The following CPEB3 variants were observed in gnomAD, a reference collection of about 807,000 sequenced individuals.
The protein encoded by CPEB3 is cytoplasmic polyadenylation element binding protein 3.
Under a neutral mutation model 67.2 loss-of-function variants are expected in CPEB3, and 20 were observed. The ratio of observed to expected loss-of-function variants is 0.30; its 90% CI spans 0.21 to 0.43. The LOEUF (loss-of-function observed/expected upper bound fraction) is 0.43. Among genes scored for constraint, CPEB3 ranks in the 20% least tolerant of loss-of-function variants. The probability of loss-of-function intolerance (pLI) is 1.00; values close to 1 mark genes in which losing one functional copy is unlikely to be tolerated. For missense variants in CPEB3, 746 were observed against 968.6 expected (o/e 0.77, Z 3.05); for synonymous variants, 376 against 393.1 (o/e 0.96, Z 0.51).
chr10:92,162,041 C>T (rs919180809), intron 4 of CPEB3, among the ~76,000 whole-genome samples: 3 of 152,066 alleles, frequency 2.0e-5, no homozygotes, highest in Non-Finnish European at 4.4e-5. Flanking sequence ...GGATTTATAC[C>T]AGATATAACA....
chr10:92,175,223 T>C (rs139598937), intron 4 of CPEB3, among the ~76,000 whole-genome samples: 7 of 151,502 alleles, frequency 4.6e-5, no homozygotes, highest in African/African-American at 1.7e-4. Flanking sequence ...CAGAATTTTA[T>C]ATTAACAGGA....
At chr10:92,144,163 T>C (rs1024137583) in intron 5 of CPEB3, among the ~76,000 whole-genome samples, 2 of 152,198 alleles carry the variant, frequency 1.3e-5, no homozygotes, top group Non-Finnish European at 2.9e-5. Context: ...AAGTGAACAC[T>C]CACTTTTGGA....
chr10:92,236,024 A>T (rs573613357), intron 2 of CPEB3, among the ~76,000 whole-genome samples: 5 of 152,328 alleles, frequency 3.3e-5, no homozygotes, highest in Non-Finnish European at 7.4e-5. Flanking sequence ...GCACCAAACT[A>T]ATACATATCT....
intron 9 of CPEB3, among the ~76,000 whole-genome samples, chr10:92,073,825 G>A (rs1842845587): frequency 6.6e-6 from 1 of 152,150 alleles, no homozygotes; most frequent in African/African-American, 2.4e-5. Flanking sequence ...CAAGGATCTT[G>A]AGAAAGTTTC....
At chr10:92,236,270 G>A (rs1851527599) in intron 2 of CPEB3, among the ~76,000 whole-genome samples, 1 of 152,106 alleles carries the variant, frequency 6.6e-6, no homozygotes, top group African/African-American at 2.4e-5. Flanking sequence ...AACAAAATTA[G>A]CTAGAACTGT....
At chr10:92,119,716 T>C (rs1330652004) in intron 6 of CPEB3, among the ~76,000 whole-genome samples, 1 of 152,174 alleles carries the variant, frequency 6.6e-6, no homozygotes, top group Non-Finnish European at 1.5e-5. Context: ...AGTTAGTTCT[T>C]AGAGCAGCTG....
At chr10:92,133,534 AC>A (rs1845944024) in intron 6 of CPEB3, among the ~76,000 whole-genome samples, 1 of 152,164 alleles carries the variant, frequency 6.6e-6, no homozygotes, top group Non-Finnish European at 1.5e-5. Context: ...TTAATAGCCT[AC>A]CAAAAAAAGT....
chr10:92,258,467 G>A (rs1374218502), intron 1 of CPEB3, among the ~76,000 whole-genome samples: 1 of 151,442 alleles, frequency 6.6e-6, no homozygotes, highest in Non-Finnish European at 1.5e-5. Flanking sequence ...ATGAAATAGT[G>A]CAGATAAATT....
At chr10:92,196,743 G>A (rs1281112821) in intron 2 of CPEB3, among the ~76,000 whole-genome samples, 3 of 151,104 alleles carry the variant, frequency 2.0e-5, no homozygotes, top group Non-Finnish European at 4.4e-5. Context: ...ACTCAGCCTG[G>A]GCGACAGAGC....
chr10:92,142,859 G>A (rs930190243), intron 6 of CPEB3, among the ~76,000 whole-genome samples, 170 bp downstream of exon 6: 1 of 152,198 alleles, frequency 6.6e-6, no homozygotes, highest in Admixed American at 6.5e-5. Flanking sequence ...TTCAGGGGAA[G>A]AGTCTCTAAG....
chr10:92,230,074 A>C (rs1851195751), intron 2 of CPEB3, among the ~76,000 whole-genome samples: 1 of 152,100 alleles, frequency 6.6e-6, no homozygotes, highest in Non-Finnish European at 1.5e-5. Flanking sequence ...ACTAGAATGG[A>C]GAATCCGTCA....
chr10:92,234,930 A>G (rs934421291), intron 2 of CPEB3, among the ~76,000 whole-genome samples: 6 of 152,260 alleles, frequency 3.9e-5, no homozygotes, highest in African/African-American at 1.2e-4. Context: ...ATCCCCCGAA[A>G]AAACAAAAAC....
chr10:92,052,802 A>G (rs548893177), intron 9 of CPEB3, among the ~76,000 whole-genome samples: 8 of 152,364 alleles, frequency 5.3e-5, no homozygotes, highest in African/African-American at 1.9e-4. Flanking sequence ...GGGGCTGTGC[A>G]CGTCAAAGCG....
intron 7 of CPEB3, among the ~76,000 whole-genome samples, chr10:92,107,048 GAA>G (rs1276321293): frequency 6.6e-6 from 1 of 152,106 alleles, no homozygotes; most frequent in African/African-American, 2.4e-5. Context: ...AGGTGTGAAT[GAA>G]AAGTGCTACA....
chr10:92,253,014 TAA>T (rs1852364729), intron 1 of CPEB3, among the ~76,000 whole-genome samples: 1 of 152,054 alleles, frequency 6.6e-6, no homozygotes, highest in Admixed American at 6.6e-5. Flanking sequence ...ACCTCCAACT[TAA>T]AGTTATAATA....
At chr10:92,066,206 A>G (rs1333531764) in intron 9 of CPEB3, among the ~76,000 whole-genome samples, 2 of 152,156 alleles carry the variant, frequency 1.3e-5, no homozygotes, top group Non-Finnish European at 2.9e-5. Flanking sequence ...AAAATATACT[A>G]TGCAATGGCT....
intron 4 of CPEB3, among the ~76,000 whole-genome samples, chr10:92,164,220 GACTGGCCCAAAGTTAT>G (rs1170979479): frequency 2.0e-5 from 3 of 152,180 alleles, no homozygotes; most frequent in Non-Finnish European, 4.4e-5. Context: ...CAGAGAAGAT[GACTGGCCCAAAGTTAT>G]ACAGCTACTA....
intron 2 of CPEB3, among the ~76,000 whole-genome samples, chr10:92,228,913 CA>C (rs1267146833): frequency 2.6e-5 from 4 of 151,760 alleles, no homozygotes; most frequent in Admixed American, 1.3e-4. Flanking sequence ...GGGGTTTCAT[CA>C]TGTTGGTCAG....
intron 6 of CPEB3, chr10:92,119,061 T>C (rs79795613): frequency 1.3e-6 from 2 of 1,572,556 alleles, no homozygotes; most frequent in Non-Finnish European, 1.7e-6. Flanking sequence ...TGACACTTGA[T>C]GTGAGACCTA....
Sources: allele counts gnomAD v4.1 joint callset (sites outside exome capture counted in the v4.1 genomes callset), GRCh38; gene constraint gnomAD v4.1.1; transcripts MANE v1.5; gene names NCBI Gene and HGNC (gene_info 2026-07-23, HGNC 2026-07-21).